Variants in AMER1 observed in about 807,000 individuals in gnomAD.
AMER1 encodes RP11-403E24.2.
A neutral mutation model predicts 53.0 loss-of-function variants in AMER1; 16 were observed. That is an observed-to-expected ratio of 0.30 (90% CI 0.20 to 0.46). The LOEUF (loss-of-function observed/expected upper bound fraction) is 0.46. Among genes scored for constraint, AMER1 ranks in the 20% least tolerant of loss-of-function variants. AMER1 has a pLI of 1.00. For missense variants in AMER1, 947 were observed against 884.9 expected (o/e 1.07, Z -0.89); for synonymous variants, 354 against 331.9 (o/e 1.07, Z -0.73).
intron 1 of AMER1, among the ~76,000 whole-genome samples, chrX:64,200,943 C>T (rs1930474696): frequency 9.0e-6 from 1 of 111,510 alleles, no homozygotes; most frequent in South Asian, 3.8e-4. Context: ...AAGGGCTGAG[C>T]AGATGGAGAG....
intron 1 of AMER1, among the ~76,000 whole-genome samples, chrX:64,203,083 G>A (rs1930522683): frequency 8.9e-6 from 1 of 111,904 alleles, no homozygotes; most frequent in South Asian, 3.7e-4. Context: ...CAGCTTCCAT[G>A]GATGATCCCC....
rs775507033 is a variant in AMER1 at position 64,193,043 on chromosome X, C to G, written c.244G>C (p.Gly82Arg). The G allele has an allele frequency of 8.3e-7, 1 of 1,210,110 alleles. No homozygotes were observed. Among genetic ancestry groups the G allele is most frequent in the African/African-American group, 1.7e-5 (1 of 57,172 alleles). Residue 82 changes from glycine to arginine, a missense_variant, in exon 2 of 2, where the codon GGG becomes CGG. Gly to Arg is a moderately radical substitution (Grantham distance 125). Coordinates refer to ENST00000374869, the MANE Select transcript of AMER1 (RefSeq NM_152424.4). ...FFGGGRSKGS[G>R]KGSSKKGLSK... ...AGACCTTTCTTGGAGCTGCCTTTCCCAGAACCTTTGCTCCGTCCCCCTCCA... is the reference window on the plus strand; with the variant it reads ...AGACCTTTCTTGGAGCTGCCTTTCCGAGAACCTTTGCTCCGTCCCCCTCCA...
In AMER1 at chrX:64,191,406, T is replaced by C. The variant is rs1930241619; in HGVS notation, c.1881A>G (p.Glu627=). 8.3e-7 allele frequency: 1 copy of C among 1,211,853 alleles called. No individual in the cohort carries two copies. Among genetic ancestry groups the C allele is most frequent in the African/African-American group, 1.7e-5 (1 of 57,880 alleles). ...EAHGREARTR[E]AQAREVRCRE... is the part of the protein sequence containing the mutation. The stretch of plus-strand genomic sequence containing the variant: ...TACAACGAACCTCTCGGGCCTGGGC[T>C]TCTCGGGTTCTGGCCTCCCTGCCAT... The change falls in exon 2 of 2, where the codon GAA becomes GAG. Residue 627 remains glutamate, a synonymous_variant. Transcript: ENST00000374869.
Position 64,189,793 on chromosome X carries a change from A to AGGGGGGGCCCCCCCCCC in AMER1, c.*85_*86insGGGGGGGGGGCCCCCCC. 3 of 292,062 alleles carry AGGGGGGGCCCCCCCCCC rather than the reference A, an allele frequency of 1.0e-5. No homozygotes were observed. Among genetic ancestry groups the AGGGGGGGCCCCCCCCCC allele is most frequent in the Non-Finnish European group, 1.5e-5 (3 of 204,822 alleles). The allele number at this position is 292,062 out of a possible 1,213,427, so 24.1% of individuals were successfully genotyped here. On this transcript the variant is annotated 3_prime_UTR_variant, in exon 2 of 2. Coordinates refer to ENST00000374869, the MANE Select transcript of AMER1 (RefSeq NM_152424.4). ...CAAAGGGTTTTCAAGTTAAACAACA[A>AGGGGGGGCCCCCCCCCC]CCCCCACCCCCCCACCCTTCTGCCC...
At chrX:64,199,319 C>G (rs1930438865) in intron 1 of AMER1, among the ~76,000 whole-genome samples, 1 of 112,246 alleles carries the variant, frequency 8.9e-6, no homozygotes, top group Non-Finnish European at 1.9e-5. Context: ...GTCACTACAA[C>G]TAGCACACAG....
chrX:64,192,120 T>C lies in AMER1; in HGVS notation c.1167A>G (p.Glu389=). 8.3e-7 allele frequency: 1 copy of C among 1,210,149 alleles called. No individual in the cohort carries two copies. The highest frequency in any genetic ancestry group is 1.8e-5 in the South Asian group (1 of 56,925). Residue 389 remains glutamate, a synonymous_variant, in exon 2 of 2, where the codon GAA becomes GAG. Coordinates refer to ENST00000374869, the MANE Select transcript of AMER1 (RefSeq NM_152424.4). The part of the protein sequence containing the change: ...DEEEEEEEEV[E]LEEEEEEVKE... The stretch of plus-strand genomic sequence containing the variant: ...TAACCTCCTCTTCTTCCTCCTCTAA[T>C]TCCACCTCTTCTTCCTCTTCTTCCT...
intron 1 of AMER1, among the ~76,000 whole-genome samples, chrX:64,193,977 A>C (rs1375832756): frequency 8.9e-6 from 1 of 112,184 alleles, no homozygotes. Context: ...AACCATGCTC[A>C]GGCTTCAGAA....
rs1351220217 is a variant in AMER1 at position 64,190,396 on chromosome X, C to G, written c.2891G>C (p.Cys964Ser). The stretch of plus-strand genomic sequence containing the variant: ...AGGACCTGGCCCCACTGGAAGAGGA[C>G]AGGGAGCCCAAGCAGGCCAATCATA... ...GAYDWPAWAP[C>S]PLPVGPGPAW... is the part of the protein sequence containing the mutation. The change falls in exon 2 of 2, where the codon TGT becomes TCT. Residue 964 changes from cysteine to serine, a missense_variant. Transcript: ENST00000374869. 4.1e-6 allele frequency: 5 copies of G among 1,211,379 alleles called. No homozygotes were observed. Among genetic ancestry groups the G allele is most frequent in the Non-Finnish European group, 3.4e-6 (3 of 895,219 alleles).
chrX:64,188,007 G>A lies in AMER1; in HGVS notation c.*1872C>T, dbSNP rs993831594. The A allele has an allele frequency of 1.8e-5, 14 of 780,019 alleles. No individual in the cohort carries two copies. The African/African-American group carries it at 2.7e-4, about 15-fold the overall frequency. The allele number at this position is 780,019 out of a possible 1,213,427, so 64.3% of individuals were successfully genotyped here. A position where few individuals can be genotyped will look rare whatever the true frequency, so the allele number is the denominator to read the frequency against. ...CAGGGGTGCAGCTTCTACCAGCCAG[G>A]TCTGCTATTTGTGAGTAAGGGCACT... is the stretch of plus-strand genomic sequence containing the variant. On this transcript the variant is annotated 3_prime_UTR_variant, in exon 2 of 2. Coordinates refer to ENST00000374869, the MANE Select transcript of AMER1 (RefSeq NM_152424.4).
In AMER1 at chrX:64,186,064, A is replaced by G. The variant is rs1602064491; in HGVS notation, c.*3815T>C. ...CTCAGAGGGTCTAGACATGGGGAAG[A>G]AGGGTTCAAAAGAAAGAAAAACATA... is the stretch of plus-strand genomic sequence containing the variant. On this transcript the variant is annotated 3_prime_UTR_variant, in exon 2 of 2. Transcript: ENST00000374869. 1.8e-6 allele frequency: 2 copies of G among 1,099,705 alleles called. No homozygotes were observed. Among genetic ancestry groups the G allele is most frequent in the South Asian group, 3.8e-5 (2 of 53,286 alleles). The allele number at this position is 1,099,705 out of a possible 1,213,427, so 90.6% of individuals were successfully genotyped here. A position where few individuals can be genotyped will look rare whatever the true frequency, so the allele number is the denominator to read the frequency against.
In AMER1 at chrX:64,189,192, C is replaced by T; in HGVS notation, c.*687G>A. 1 of 801,040 alleles carries T rather than the reference C, an allele frequency of 1.2e-6. No homozygotes were observed. The highest frequency in any genetic ancestry group is 1.5e-6 in the Non-Finnish European group (1 of 668,015). 66.0% of individuals were successfully genotyped at this position (801,040 alleles called of 1,213,427 possible). On this transcript the variant is annotated 3_prime_UTR_variant, in exon 2 of 2. Coordinates refer to ENST00000374869, the MANE Select transcript of AMER1 (RefSeq NM_152424.4). ...GGCTGTGAGACACACGCTACTTGATCCTCTCTAAGGACAGCTAGCTGGGAT... is the reference window on the plus strand; with the variant it reads ...GGCTGTGAGACACACGCTACTTGATTCTCTCTAAGGACAGCTAGCTGGGAT...
At chrX:64,199,296 C>A (rs1265934169) in intron 1 of AMER1, among the ~76,000 whole-genome samples, 1 of 112,255 alleles carries the variant, frequency 8.9e-6, no homozygotes, top group Non-Finnish European at 1.9e-5. Context: ...AATTGACCCT[C>A]CTTCATCTTA....
chrX:64,201,859 C>A (rs1316642182), intron 1 of AMER1, among the ~76,000 whole-genome samples: 1 of 112,034 alleles, frequency 8.9e-6, no homozygotes, highest in Non-Finnish European at 1.9e-5. Flanking sequence ...TTCTTTGAGA[C>A]AGGGTCTTGC....
Position 64,205,360 on chromosome X carries a change from C to T in AMER1, c.-99+210G>A, listed in dbSNP as rs1380691571. Among the ~76,000 whole-genome samples the T allele has an allele frequency of 5.6e-5, 6 of 107,480 alleles. No homozygotes were observed. In the East Asian group the frequency reaches 1.8e-3, roughly 33 times the overall value. 93.3% of individuals were successfully genotyped at this position (107,480 alleles called of 115,157 possible). A position where few individuals can be genotyped will look rare whatever the true frequency, so the allele number is the denominator to read the frequency against. On this transcript the variant is annotated intron_variant, in intron 1 of 1. Transcript: ENST00000374869. ...CCGCCCTCCCCAACCCCCCTCCCCC[C>T]AGCCGTGGTCGCTTGTGCCCAGGGG...
intron 1 of AMER1, among the ~76,000 whole-genome samples, chrX:64,202,273 A>G (rs1235076500): frequency 8.9e-6 from 1 of 112,134 alleles, no homozygotes; most frequent in South Asian, 3.7e-4. Flanking sequence ...CAAAAGAGAC[A>G]TTAAACGAGT....
Position 64,188,785 on chromosome X carries a change from C to G in AMER1, c.*1094G>C. On this transcript the variant is annotated 3_prime_UTR_variant, in exon 2 of 2. Transcript: ENST00000374869. Reference sequence around the variant, plus strand: ...TGATAAATGGACCCTCATTTTCTATCTTTCCCCTACACTCCACAAAAACCC... The same window carrying G: ...TGATAAATGGACCCTCATTTTCTATGTTTCCCCTACACTCCACAAAAACCC... The G allele has an allele frequency of 1.2e-6, 1 of 804,680 alleles. No individual in the cohort carries two copies. Among genetic ancestry groups the G allele is most frequent in the African/African-American group, 2.2e-5 (1 of 46,138 alleles). 66.3% of individuals were successfully genotyped at this position (804,680 alleles called of 1,213,427 possible).
chrX:64,188,935 C>A lies in AMER1; in HGVS notation c.*944G>T. The A allele has an allele frequency of 1.2e-6, 1 of 807,744 alleles. No individual in the cohort carries two copies. The highest frequency in any genetic ancestry group is 1.5e-6 in the Non-Finnish European group (1 of 672,225). 66.6% of individuals were successfully genotyped at this position (807,744 alleles called of 1,213,427 possible). On this transcript the variant is annotated 3_prime_UTR_variant, in exon 2 of 2. Coordinates refer to ENST00000374869, the MANE Select transcript of AMER1 (RefSeq NM_152424.4). ...GGAAAAAAGAACAAAAATTCAAAAG[C>A]ATCTGCAACTCAGGTAGTCACAAGC...
At chrX:64,194,517 C>A (rs901631769) in intron 1 of AMER1, among the ~76,000 whole-genome samples, 3 of 111,723 alleles carry the variant, frequency 2.7e-5, no homozygotes, top group Non-Finnish European at 5.6e-5. Flanking sequence ...TCTGGTCATC[C>A]GCTAGCTCAG....
intron 1 of AMER1, among the ~76,000 whole-genome samples, chrX:64,195,876 A>G (rs753992976): frequency 8.9e-6 from 1 of 112,460 alleles, no homozygotes; most frequent in African/African-American, 3.2e-5. Context: ...GGAGAAAGAC[A>G]CTTCTTGGGC....
Sources: allele counts gnomAD v4.1 joint callset (sites outside exome capture counted in the v4.1 genomes callset), GRCh38; gene constraint gnomAD v4.1.1; transcripts MANE v1.5; gene names NCBI Gene and HGNC (gene_info 2026-07-23, HGNC 2026-07-21).